GPC5: variants seen among roughly 807,000 people sequenced by gnomAD.
GPC5 encodes the protein glypican-5.
A neutral mutation model predicts 53.9 loss-of-function variants in GPC5; 47 were observed. That is an observed-to-expected ratio of 0.87 (90% CI 0.69 to 1.11). GPC5 has a LOEUF of 1.11. Ranked by LOEUF, GPC5 falls within the 50% of genes most tolerant of loss-of-function variation. The pLI is 0.00. For missense variants in GPC5, 748 were observed against 713.1 expected (o/e 1.05, Z -0.56); for synonymous variants, 286 against 263.3 (o/e 1.09, Z -0.84).
chr13:92,087,481 A>T (rs1300435658), intron 6 of GPC5, among the ~76,000 whole-genome samples: 1 of 152,226 alleles, frequency 6.6e-6, no homozygotes, highest in Non-Finnish European at 1.5e-5. Context: ...TTTCAAAAAA[A>T]TACCAAATTT....
At chr13:92,598,388 A>AT (rs1285423016) in intron 7 of GPC5, among the ~76,000 whole-genome samples, 61 of 148,622 alleles carry the variant, frequency 4.1e-4, no homozygotes, top group East Asian at 1.6e-3. Context: ...GTCAGATCAA[A>AT]TTTTTTTTTT....
rs1594108778 is a variant in GPC5, at chr13:92,335,692, T to G, written c.1561+190703T>G. 2.0e-5 allele frequency among the ~76,000 whole-genome samples: 3 copies of G among 152,286 alleles called. 1 individual carries two copies. Among genetic ancestry groups the G allele is most frequent in the African/African-American group, 7.2e-5 (3 of 41,560 alleles). The stretch of plus-strand genomic sequence containing the variant: ...TACCCTAAATCATCTCTCTCAAGTT[T>G]AAAGTTCCAAAGATCTCTAGGGCAG... On this transcript the variant is annotated intron_variant, in intron 7 of 7. Coordinates refer to ENST00000377067, the MANE Select transcript of GPC5 (RefSeq NM_004466.6).
intron 7 of GPC5, among the ~76,000 whole-genome samples, chr13:92,432,314 C>T (rs1433271861): frequency 6.6e-6 from 1 of 150,964 alleles, no homozygotes; most frequent in Non-Finnish European, 1.5e-5. Flanking sequence ...TTTATGGCAG[C>T]CTAAGCTGAC....
intron 7 of GPC5, among the ~76,000 whole-genome samples, chr13:92,786,829 T>G (rs1034609474): frequency 1.3e-5 from 2 of 151,946 alleles, no homozygotes; most frequent in Non-Finnish European, 2.9e-5. Flanking sequence ...GAGTTACCTG[T>G]GGGGTAATGA....
At chr13:91,995,831 A>C (rs1364298332) in intron 6 of GPC5, 1 of 152,150 alleles carries the variant, frequency 6.6e-6, no homozygotes, top group Non-Finnish European at 1.5e-5. Context: ...AAAATTCTCA[A>C]CTTCTTCTAC....
chr13:92,681,997 C>T (rs1887125330), intron 7 of GPC5, among the ~76,000 whole-genome samples: 1 of 152,206 alleles, frequency 6.6e-6, no homozygotes, highest in Admixed American at 6.5e-5. Flanking sequence ...ATTTCCCCCA[C>T]TGGCTTTGAG....
intron 7 of GPC5, among the ~76,000 whole-genome samples, chr13:92,247,940 A>G (rs986693684): frequency 3.9e-5 from 6 of 152,266 alleles, no homozygotes; most frequent in Admixed American, 3.3e-4. Flanking sequence ...AATTATAGAT[A>G]TATAAGACTA....
intron 5 of GPC5, among the ~76,000 whole-genome samples, chr13:91,756,938 G>A (rs577327471): frequency 6.6e-6 from 1 of 151,924 alleles, no homozygotes; most frequent in African/African-American, 2.4e-5. Context: ...CTATGTAATA[G>A]TGGGGGCACT....
intron 7 of GPC5, among the ~76,000 whole-genome samples, chr13:92,216,147 C>G (rs1298162318): frequency 1.3e-5 from 2 of 152,178 alleles, no homozygotes; most frequent in Non-Finnish European, 2.9e-5. Flanking sequence ...AGCCTAAGTC[C>G]TTACAGTTAT....
intron 7 of GPC5, among the ~76,000 whole-genome samples, chr13:92,477,923 C>G (rs531550794): frequency 6.6e-6 from 1 of 152,208 alleles, no homozygotes; most frequent in South Asian, 2.1e-4. Context: ...GTACCTGGCA[C>G]TTTTGATCAT....
At chr13:92,813,716 T>G (rs1392193915) in intron 7 of GPC5, among the ~76,000 whole-genome samples, 2 of 152,044 alleles carry the variant, frequency 1.3e-5, no homozygotes, top group Admixed American at 6.6e-5. Flanking sequence ...CACTGAAAAT[T>G]GCAAAGCATT....
chr13:92,232,408 A>G (rs890342252), intron 7 of GPC5, among the ~76,000 whole-genome samples: 7 of 152,230 alleles, frequency 4.6e-5, no homozygotes, highest in Non-Finnish European at 1.0e-4. Context: ...CTTTTCTTCA[A>G]AAACCATATA....
chr13:92,335,199 G>C (rs775381591), intron 7 of GPC5, among the ~76,000 whole-genome samples: 19 of 152,128 alleles, frequency 1.2e-4, no homozygotes, highest in Non-Finnish European at 1.2e-4. Context: ...CTGAAATCTA[G>C]GTGGAAGTTC....
At chr13:91,794,337 T>C (rs2038015484) in intron 5 of GPC5, among the ~76,000 whole-genome samples, 1 of 152,186 alleles carries the variant, frequency 6.6e-6, no homozygotes, top group African/African-American at 2.4e-5. Flanking sequence ...TTGTTTTAAA[T>C]GGATCTTCCC....
chr13:92,423,961 G>A (rs1169328737), intron 7 of GPC5, among the ~76,000 whole-genome samples: 2 of 152,112 alleles, frequency 1.3e-5, no homozygotes, highest in South Asian at 2.1e-4. Flanking sequence ...TGTGTAGTAT[G>A]TTGTAAAATA....
At chr13:92,665,890 T>G (rs1489065964) in intron 7 of GPC5, among the ~76,000 whole-genome samples, 1 of 152,200 alleles carries the variant, frequency 6.6e-6, no homozygotes, top group Non-Finnish European at 1.5e-5. Flanking sequence ...ACGTATGGTA[T>G]AAATGAAATA....
intron 7 of GPC5, chr13:92,658,984 A>G (rs976375582): frequency 2.5e-5 from 3 of 121,692 alleles, no homozygotes; most frequent in Admixed American, 2.2e-4. Context: ...GCTGGAGTGC[A>G]GTGGCGGGAT....
intron 5 of GPC5, among the ~76,000 whole-genome samples, chr13:91,812,515 C>T (rs1350133328): frequency 6.6e-6 from 1 of 152,174 alleles, no homozygotes; most frequent in African/African-American, 2.4e-5. Context: ...AATGGGGAAA[C>T]AAGGACTTAG....
chr13:92,438,308 G>A (rs1203209999), intron 7 of GPC5, among the ~76,000 whole-genome samples: 1 of 151,724 alleles, frequency 6.6e-6, no homozygotes, highest in Non-Finnish European at 1.5e-5. Flanking sequence ...GCTGTGTCCT[G>A]GAGGTAGCAT....
Sources: allele counts gnomAD v4.1 joint callset (sites outside exome capture counted in the v4.1 genomes callset), GRCh38; gene constraint gnomAD v4.1.1; transcripts MANE v1.5; gene names NCBI Gene and HGNC (gene_info 2026-07-23, HGNC 2026-07-21).